CNTN1: variants seen among roughly 807,000 people sequenced by gnomAD.
CNTN1 encodes the protein contactin-1.
A neutral mutation model predicts 126.4 loss-of-function variants in CNTN1; 38 were observed. That is an observed-to-expected ratio of 0.30 (90% confidence interval 0.23 to 0.39). The LOEUF (loss-of-function observed/expected upper bound fraction) is 0.39, where lower values mean the gene tolerates loss of function less well. CNTN1 is among the 10% of genes least tolerant of loss of function. CNTN1 has a pLI of 1.00. For synonymous variants in CNTN1, 413 were observed against 422.6 expected (o/e 0.98, Z 0.28); for missense variants, 1,009 against 1,248.4 (o/e 0.81, Z 2.89).
intron 1 of CNTN1, among the ~76,000 whole-genome samples, chr12:40,720,003 A>ATTTTT (rs561694238): frequency 4.6e-4 from 59 of 127,218 alleles, no homozygotes; most frequent in African/African-American, 1.7e-3. Context: ...CGCCCGGTTA[A>ATTTTT]TTTTTTTTTT....
chr12:40,762,720 A>G (rs1044822578), intron 1 of CNTN1, among the ~76,000 whole-genome samples: 1 of 152,204 alleles, frequency 6.6e-6, no homozygotes, highest in Non-Finnish European at 1.5e-5. Flanking sequence ...TACTGTGTGC[A>G]GGTACCACAG....
intron 23 of CNTN1, among the ~76,000 whole-genome samples, chr12:41,046,762 A>G (rs1488987887): frequency 6.7e-6 from 1 of 149,782 alleles, no homozygotes; most frequent in Non-Finnish European, 1.5e-5. Context: ...TTCTTTTTCT[A>G]GTTTATTTCC....
At chr12:40,904,366 T>TTTCC (rs1245414896) in intron 1 of CNTN1, among the ~76,000 whole-genome samples, 1 of 149,934 alleles carries the variant, frequency 6.7e-6, no homozygotes, top group Non-Finnish European at 1.5e-5. Context: ...CCTTCCTTCC[T>TTTCC]TTCCTTCCTT....
At chr12:40,984,909 A>G (rs527843366) in intron 16 of CNTN1, among the ~76,000 whole-genome samples, 2 of 152,242 alleles carry the variant, frequency 1.3e-5, no homozygotes, top group South Asian at 4.1e-4. Context: ...TTACTTTTAA[A>G]TAAGTTAAGA....
intron 6 of CNTN1, among the ~76,000 whole-genome samples, chr12:40,925,416 C>CTTTTAAA (rs1472013085): frequency 6.6e-6 from 1 of 151,108 alleles, no homozygotes; most frequent in Non-Finnish European, 1.5e-5. Flanking sequence ...ACGTAACAGG[C>CTTTTAAA]TTTTAAACTC....
chr12:41,026,194 T>C (rs1318376764), intron 21 of CNTN1, among the ~76,000 whole-genome samples: 1 of 152,224 alleles, frequency 6.6e-6, no homozygotes, highest in Non-Finnish European at 1.5e-5. Flanking sequence ...CATTTGTTCA[T>C]GTATTTATTC....
At chr12:41,054,929 A>T (rs1413724720) in intron 23 of CNTN1, among the ~76,000 whole-genome samples, 1 of 152,168 alleles carries the variant, frequency 6.6e-6, no homozygotes, top group Non-Finnish European at 1.5e-5. Context: ...AGCCATTTTT[A>T]ATTAGACGAA....
intron 4 of CNTN1, among the ~76,000 whole-genome samples, chr12:40,919,785 C>T (rs1378672425): frequency 2.6e-5 from 4 of 151,950 alleles, no homozygotes; most frequent in South Asian, 2.1e-4. Flanking sequence ...TTATTTTTAT[C>T]GTTTCAATTT....
At chr12:40,776,119 C>A (rs1250012099) in intron 1 of CNTN1, among the ~76,000 whole-genome samples, 2 of 151,482 alleles carry the variant, frequency 1.3e-5, no homozygotes, top group Non-Finnish European at 3.0e-5. Context: ...CTCTATTATT[C>A]CTTTGTTTTA....
intron 22 of CNTN1, 145 bp from the exon 23 acceptor site, chr12:41,028,918 A>G (rs1040510822): frequency 2.3e-5 from 18 of 792,488 alleles, no homozygotes; most frequent in Middle Eastern, 3.7e-4. Flanking sequence ...TTTTTCATCT[A>G]GTTTTAAATT....
chr12:40,784,464 G>C (rs1939928680), intron 1 of CNTN1, among the ~76,000 whole-genome samples: 1 of 152,118 alleles, frequency 6.6e-6, no homozygotes, highest in Non-Finnish European at 1.5e-5. Context: ...ATTATATCGA[G>C]GGTTCTCTTT....
At chr12:40,896,580 T>C (rs1006503291) in intron 1 of CNTN1, among the ~76,000 whole-genome samples, 3 of 152,202 alleles carry the variant, frequency 2.0e-5, no homozygotes, top group African/African-American at 4.8e-5. Context: ...AGTTTTATAG[T>C]TGGTTATTGT....
chr12:40,724,870 T>C (rs10748148), intron 1 of CNTN1, among the ~76,000 whole-genome samples: 92,795 of 152,054 alleles, frequency 0.61, 29,126 homozygotes, highest in East Asian at 0.84. Context: ...AAAGCACTAT[T>C]GCTACATTTA....
chr12:40,746,625 T>C (rs1204555496), intron 1 of CNTN1, among the ~76,000 whole-genome samples: 1 of 152,118 alleles, frequency 6.6e-6, no homozygotes, highest in African/African-American at 2.4e-5. Flanking sequence ...TCCAAGGTCT[T>C]GCATCCCGTT....
At chr12:41,007,182 C>T (rs1343794062) in intron 17 of CNTN1, among the ~76,000 whole-genome samples, 2 of 149,266 alleles carry the variant, frequency 1.3e-5, no homozygotes, top group Non-Finnish European at 3.0e-5. Context: ...GCCTCAGCCT[C>T]CCAAGTAGCT....
At chr12:40,815,450 T>C (rs1941226210) in intron 1 of CNTN1, among the ~76,000 whole-genome samples, 1 of 152,178 alleles carries the variant, frequency 6.6e-6, no homozygotes, top group African/African-American at 2.4e-5. Context: ...GCTGTCTGCT[T>C]GCCTATTGTA....
intron 16 of CNTN1, among the ~76,000 whole-genome samples, chr12:40,989,784 A>G (rs1010613369): frequency 6.6e-6 from 1 of 152,162 alleles, no homozygotes; most frequent in Admixed American, 6.6e-5. Flanking sequence ...GAAGAAATGT[A>G]TACATGGCCA....
chr12:40,767,369 C>T (rs1391601091), intron 1 of CNTN1, among the ~76,000 whole-genome samples: 1 of 117,008 alleles, frequency 8.5e-6, no homozygotes, highest in African/African-American at 3.3e-5. Flanking sequence ...AGTGCAGTGG[C>T]ACGATCTCGG....
intron 23 of CNTN1, 54 bp downstream of exon 23, chr12:41,029,273 C>G: frequency 6.3e-7 from 1 of 1,591,142 alleles, no homozygotes; most frequent in Non-Finnish European, 8.6e-7. Context: ...GTTTCTAGAC[C>G]CTGTGGATTC....
Sources: allele counts gnomAD v4.1 joint callset (sites outside exome capture counted in the v4.1 genomes callset), GRCh38; gene constraint gnomAD v4.1.1; transcripts MANE v1.5; gene names NCBI Gene and HGNC (gene_info 2026-07-23, HGNC 2026-07-21).